The following GRIK1 variants were observed in gnomAD, a reference collection of about 807,000 sequenced individuals.
GRIK1 encodes glutamate receptor ionotropic, kainate 1.
In GRIK1, 69 loss-of-function variants were observed where a neutral mutation model predicts 105.7. The observed-to-expected ratio is 0.65, with a 90% confidence interval of 0.54 to 0.80. GRIK1 has a LOEUF of 0.80. GRIK1 is among the 30% of genes least tolerant of loss of function. GRIK1 has a pLI of 0.00. For missense variants in GRIK1, 1,109 were observed against 1,167.3 expected, an observed-to-expected ratio of 0.95 and a Z score of 0.73; for synonymous variants, 438 against 431.3, an observed-to-expected ratio of 1.02 and a Z score of -0.19.
chr21:29,658,509 G>A (rs774159890), intron 4 of GRIK1, among the ~76,000 whole-genome samples: 1 of 152,168 alleles, frequency 6.6e-6, no homozygotes, highest in Non-Finnish European at 1.5e-5. Context: ...TGATCCTCCT[G>A]TCTTGGTCTC....
chr21:29,658,399 A>AT (rs1261055703), intron 4 of GRIK1, among the ~76,000 whole-genome samples: 1 of 152,056 alleles, frequency 6.6e-6, no homozygotes, highest in African/African-American at 2.4e-5. Context: ...AGTAGCTGGG[A>AT]TTACAGGCAC....
At chr21:29,729,051 T>C (rs956342143) in intron 1 of GRIK1, among the ~76,000 whole-genome samples, 1 of 152,138 alleles carries the variant, frequency 6.6e-6, no homozygotes, top group Non-Finnish European at 1.5e-5. Flanking sequence ...ACTCAGAGGT[T>C]TTTTTCCCCA....
At chr21:29,740,102 G>A (rs1220521577) in intron 1 of GRIK1, among the ~76,000 whole-genome samples, 1 of 152,052 alleles carries the variant, frequency 6.6e-6, no homozygotes, top group African/African-American at 2.4e-5. Flanking sequence ...TTGTTTATTA[G>A]TACACGATTC....
chr21:29,794,237 T>A (rs2066497988), intron 1 of GRIK1, among the ~76,000 whole-genome samples: 1 of 152,158 alleles, frequency 6.6e-6, no homozygotes, highest in Non-Finnish European at 1.5e-5. Flanking sequence ...GCAATTTCTT[T>A]AAAAACAGCC....
At chr21:29,754,592 T>G (rs1406964565) in intron 1 of GRIK1, among the ~76,000 whole-genome samples, 2 of 152,174 alleles carry the variant, frequency 1.3e-5, no homozygotes, top group African/African-American at 4.8e-5. Flanking sequence ...CAGAGGGGTG[T>G]GATTGTCATT....
intron 1 of GRIK1, among the ~76,000 whole-genome samples, chr21:29,700,190 C>T (rs2063785383): frequency 6.6e-6 from 1 of 152,098 alleles, no homozygotes. Context: ...AGGACGTAGG[C>T]AGTTGTGTTT....
At chr21:29,767,917 A>T (rs1228254923) in intron 1 of GRIK1, among the ~76,000 whole-genome samples, 2 of 151,058 alleles carry the variant, frequency 1.3e-5, no homozygotes, top group Non-Finnish European at 2.9e-5. Flanking sequence ...TATTCCATGT[A>T]ATGGAAAGAC....
At chr21:29,829,359 GT>G (rs2067563433) in intron 1 of GRIK1, among the ~76,000 whole-genome samples, 1 of 152,092 alleles carries the variant, frequency 6.6e-6, no homozygotes, top group Non-Finnish European at 1.5e-5. Flanking sequence ...AACTTTGGAC[GT>G]CTTCATAACA....
chr21:29,733,049 C>T (rs902930830), intron 1 of GRIK1, among the ~76,000 whole-genome samples: 35 of 151,668 alleles, frequency 2.3e-4, no homozygotes, highest in African/African-American at 8.5e-4. Flanking sequence ...TGTTTTACTT[C>T]TACAGGCGGT....
intron 7 of GRIK1, among the ~76,000 whole-genome samples, chr21:29,605,444 A>T (rs1420965460): frequency 6.6e-6 from 1 of 151,970 alleles, no homozygotes; most frequent in African/African-American, 2.4e-5. Flanking sequence ...TATATACCAC[A>T]TTTTCTTTTT....
chr21:29,671,923 G>C (rs2063167356), intron 4 of GRIK1, among the ~76,000 whole-genome samples: 1 of 152,060 alleles, frequency 6.6e-6, no homozygotes, highest in African/African-American at 2.4e-5. Context: ...GTACCCACTA[G>C]TTGCCAGTAG....
At chr21:29,711,225 T>G (rs2146814928) in intron 1 of GRIK1, among the ~76,000 whole-genome samples, 1 of 152,300 alleles carries the variant, frequency 6.6e-6, no homozygotes, top group African/African-American at 2.4e-5. Flanking sequence ...TATATGAAGG[T>G]TATCCTATAG....
At chr21:29,543,318 C>T (rs1780510895) in intron 16 of GRIK1, among the ~76,000 whole-genome samples, 1 of 152,136 alleles carries the variant, frequency 6.6e-6, no homozygotes. Context: ...TAGGGATTTG[C>T]AACATAGAGA....
chr21:29,661,982 C>G lies in GRIK1; in HGVS notation c.727-7119G>C, dbSNP rs577248650. Among the ~76,000 whole-genome samples, 33 of 152,236 alleles carry G rather than the reference C, an allele frequency of 2.2e-4. No homozygotes were observed. In the South Asian group the frequency reaches 6.9e-3, roughly 32 times the overall value. On this transcript the variant is annotated intron_variant, in intron 4 of 17. Coordinates refer to ENST00000327783, the MANE Select transcript of GRIK1 (RefSeq NM_001330994.2). The stretch of plus-strand genomic sequence containing the variant: ...TGCTATATGATGTATAAATCCAGCC[C>G]CTTTTTCTCCTACCTCCAAGTTAAA...
At chr21:29,926,621 T>C (rs1167769916) in intron 1 of GRIK1, among the ~76,000 whole-genome samples, 1 of 151,870 alleles carries the variant, frequency 6.6e-6, no homozygotes, top group African/African-American at 2.4e-5. Flanking sequence ...AATTTATTTA[T>C]GTATCTTATA....
At chr21:29,733,323 AAAT>A (rs1315998323) in intron 1 of GRIK1, among the ~76,000 whole-genome samples, 7 of 152,158 alleles carry the variant, frequency 4.6e-5, no homozygotes, top group African/African-American at 1.2e-4. Flanking sequence ...AATAACTTAT[AAAT>A]AATAATAAAA....
chr21:29,711,187 C>T lies in GRIK1; in HGVS notation c.119-17124G>A, dbSNP rs376062155. ...CATATTACAGTCACACATCATATAA[C>T]GATTATTTTGGTCAATGATAGACTG... On this transcript the variant is annotated intron_variant, in intron 1 of 17. Transcript: ENST00000327783. 3.3e-5 allele frequency among the ~76,000 whole-genome samples: 5 copies of T among 151,868 alleles called. No individual in the cohort carries two copies. In the East Asian group the frequency reaches 5.8e-4, roughly 18 times the overall value.
chr21:29,647,832 T>C (rs1256713104), intron 6 of GRIK1, among the ~76,000 whole-genome samples: 2 of 152,356 alleles, frequency 1.3e-5, no homozygotes, highest in East Asian at 3.9e-4. Flanking sequence ...GATAAAACAC[T>C]CTTTCTTTTT....
At chr21:29,676,540 A>G (rs1017857750) in intron 3 of GRIK1, among the ~76,000 whole-genome samples, 1 of 152,148 alleles carries the variant, frequency 6.6e-6, no homozygotes, top group Non-Finnish European at 1.5e-5. Context: ...GAAAAAGGAC[A>G]TTGATTTAGG....
Sources: gnomAD v4.1 joint callset for allele counts (sites outside exome capture counted in the v4.1 genomes callset) on GRCh38, gnomAD v4.1.1 for gene constraint, MANE v1.5 for transcripts, NCBI Gene and HGNC (gene_info 2026-07-23, HGNC 2026-07-21) for gene names.